The following KCND2 variants were observed in gnomAD, a reference collection of about 807,000 sequenced individuals.
The protein encoded by KCND2 is potassium voltage-gated channel subfamily D member 2, also known as A-type voltage-gated potassium channel KCND2.
A neutral mutation model predicts 54.4 loss-of-function variants in KCND2; 16 were observed. The ratio of observed to expected loss-of-function variants is 0.29; its 90% confidence interval spans 0.20 to 0.45. The LOEUF is 0.45. Among genes scored for constraint, KCND2 ranks in the 20% least tolerant of loss-of-function variants. The probability of loss-of-function intolerance (pLI) is 1.00; values close to 1 mark genes in which losing one functional copy is unlikely to be tolerated. For synonymous variants in KCND2, 317 were observed against 310.7 expected (o/e 1.02, Z -0.21); for missense variants, 486 against 824.2 (o/e 0.59, Z 5.02).
intron 1 of KCND2, among the ~76,000 whole-genome samples, chr7:120,317,634 G>C (rs1016988726): frequency 6.6e-6 from 1 of 152,184 alleles, no homozygotes; most frequent in African/African-American, 2.4e-5. Context: ...ATACTGCAAA[G>C]TACAACAAAT....
intron 1 of KCND2, among the ~76,000 whole-genome samples, chr7:120,482,944 AC>A (rs1450601167): frequency 1.3e-5 from 2 of 152,128 alleles, no homozygotes; most frequent in African/African-American, 4.8e-5. Flanking sequence ...ATTGACCCTG[AC>A]TACTCATGAC....
At chr7:120,624,830 T>G (rs1793145427) in intron 1 of KCND2, among the ~76,000 whole-genome samples, 1 of 151,526 alleles carries the variant, frequency 6.6e-6, no homozygotes, top group Admixed American at 6.6e-5. Context: ...GTCAATCAAG[T>G]ATCTTCCATA....
In KCND2 at chr7:120,275,431, G is replaced by C; in HGVS notation, c.799G>C (p.Val267Leu). The change falls in exon 1 of 6, where the codon GTG becomes CTG. Residue 267 changes from valine (V) to leucine (L), a missense_variant. Coordinates refer to ENST00000331113, the MANE Select transcript of KCND2 (RefSeq NM_012281.3). ...FVRSVMSIID[V>L]VAILPYYIGL... ...GCGTAGTGTCATGAGTATCATCGAC[G>C]TGGTGGCCATCCTGCCTTATTACAT... The C allele has an allele frequency of 6.2e-7, 1 of 1,613,762 alleles. No individual in the cohort carries two copies. Among genetic ancestry groups the C allele is most frequent in the Middle Eastern group, 1.6e-4 (1 of 6,062 alleles).
At position 120,281,925 on chromosome 7, in the gene KCND2, A is replaced by G. The variant is rs76105743; in HGVS notation, c.1115+6178A>G. On this transcript the variant is annotated intron_variant, in intron 1 of 5. Coordinates refer to ENST00000331113, the MANE Select transcript of KCND2 (RefSeq NM_012281.3). ...TGTTATTTGAACATTTTGTCCTCTC[A>G]TCTACTAAATGTACCCTTTTAATTT... Among the ~76,000 whole-genome samples, 487 of 152,246 alleles carry G rather than the reference A, an allele frequency of 3.2e-3. 2 individuals carry two copies. The highest frequency in any genetic ancestry group is 0.011 in the African/African-American group (445 of 41,574).
chr7:120,495,889 T>A (rs746849749), intron 1 of KCND2, among the ~76,000 whole-genome samples: 13 of 152,118 alleles, frequency 8.5e-5, no homozygotes, highest in Non-Finnish European at 1.9e-4. Flanking sequence ...GTATCTATCA[T>A]ATGGTTGTTT....
At chr7:120,433,360 G>T (rs1271507295) in intron 1 of KCND2, among the ~76,000 whole-genome samples, 1 of 152,130 alleles carries the variant, frequency 6.6e-6, no homozygotes, top group African/African-American at 2.4e-5. Context: ...AAATATTAAG[G>T]CTTCTCTGAA....
chr7:120,648,915 T>G (rs1031914254), intron 1 of KCND2, among the ~76,000 whole-genome samples: 2 of 152,226 alleles, frequency 1.3e-5, no homozygotes, highest in African/African-American at 4.8e-5. Flanking sequence ...AAAGTTCATT[T>G]TTATTAGAAG....
At chr7:120,283,126 G>A (rs769414543) in intron 1 of KCND2, among the ~76,000 whole-genome samples, 1 of 152,138 alleles carries the variant, frequency 6.6e-6, no homozygotes, top group Non-Finnish European at 1.5e-5. Flanking sequence ...CTATCTGGAT[G>A]AAGAGAATTA....
chr7:120,663,252 C>T (rs1379355414), intron 1 of KCND2, among the ~76,000 whole-genome samples: 1 of 152,058 alleles, frequency 6.6e-6, no homozygotes, highest in African/African-American at 2.4e-5. Context: ...ACAACAACAA[C>T]AAAAGAGGTT....
At chr7:120,730,152 T>G (rs1792786655) in intron 1 of KCND2, among the ~76,000 whole-genome samples, 1 of 152,192 alleles carries the variant, frequency 6.6e-6, no homozygotes, top group Non-Finnish European at 1.5e-5. Flanking sequence ...ATGGACTCAG[T>G]CCTTGTATTC....
intron 1 of KCND2, among the ~76,000 whole-genome samples, chr7:120,693,461 A>G (rs1792296866): frequency 6.6e-6 from 1 of 152,076 alleles, no homozygotes; most frequent in South Asian, 2.1e-4. Context: ...GTACTTAGCA[A>G]ATGGGAAGTA....
intron 1 of KCND2, among the ~76,000 whole-genome samples, chr7:120,465,363 G>A (rs749782051): frequency 3.3e-5 from 5 of 151,808 alleles, no homozygotes; most frequent in African/African-American, 4.8e-5. Flanking sequence ...AATAAGCACC[G>A]AGAAAAAAGG....
chr7:120,298,251 C>T (rs1449956329), intron 1 of KCND2, among the ~76,000 whole-genome samples: 5 of 152,090 alleles, frequency 3.3e-5, no homozygotes, highest in Admixed American at 3.3e-4. Flanking sequence ...TTCTCTAGGG[C>T]GCATCCTCTC....
intron 1 of KCND2, among the ~76,000 whole-genome samples, chr7:120,396,917 A>C (rs1348267228): frequency 1.3e-5 from 2 of 152,062 alleles, no homozygotes; most frequent in African/African-American, 4.8e-5. Flanking sequence ...TTTTATCAGT[A>C]TTTAAGCTGA....
intron 1 of KCND2, among the ~76,000 whole-genome samples, chr7:120,554,708 G>A (rs916948188): frequency 6.6e-6 from 1 of 152,170 alleles, no homozygotes; most frequent in East Asian, 1.9e-4. Flanking sequence ...GCGCCTGGCC[G>A]AGAATTTACA....
At chr7:120,391,945 CT>C (rs1242994152) in intron 1 of KCND2, among the ~76,000 whole-genome samples, 1 of 151,970 alleles carries the variant, frequency 6.6e-6, no homozygotes, top group East Asian at 1.9e-4. Context: ...TCAATTTTGG[CT>C]TTTGTTGCAA....
intron 1 of KCND2, among the ~76,000 whole-genome samples, chr7:120,449,324 G>A (rs535801382): frequency 1.4e-4 from 18 of 129,326 alleles, no homozygotes; most frequent in Non-Finnish European, 2.3e-4. Context: ...GCCAGACTCC[G>A]TCTCAAAAAA....
intron 1 of KCND2, among the ~76,000 whole-genome samples, chr7:120,422,530 G>A (rs1371072998): frequency 6.6e-6 from 1 of 152,152 alleles, no homozygotes; most frequent in Non-Finnish European, 1.5e-5. Flanking sequence ...CCACTTGTTT[G>A]TATATATTCT....
chr7:120,391,616 G>C (rs1014497166), intron 1 of KCND2, among the ~76,000 whole-genome samples: 1 of 152,052 alleles, frequency 6.6e-6, no homozygotes, highest in Non-Finnish European at 1.5e-5. Context: ...ATTCTAACTG[G>C]TGTGAGATGG....
Sources: allele counts gnomAD v4.1 joint callset (sites outside exome capture counted in the v4.1 genomes callset), GRCh38; gene constraint gnomAD v4.1.1; transcripts MANE v1.5; gene names NCBI Gene and HGNC (gene_info 2026-07-23, HGNC 2026-07-21).